Variants in SMTN observed in about 807,000 individuals in gnomAD.
SMTN encodes smoothelin.
Under a neutral mutation model 102.0 loss-of-function variants are expected in SMTN, and 58 were observed. The ratio of observed to expected loss-of-function variants is 0.57; its 90% CI spans 0.46 to 0.71. The LOEUF (loss-of-function observed/expected upper bound fraction) is 0.71, where lower values mean the gene tolerates loss of function less well. SMTN is among the 30% of genes least tolerant of loss of function. SMTN has a pLI of 0.00. For synonymous variants in SMTN, 478 were observed against 497.9 expected (o/e 0.96, Z 0.53); for missense variants, 1,185 against 1,241.7 (o/e 0.95, Z 0.69).
chr22:31,085,219 T>G (rs1428928987), intron 2 of SMTN: 32 of 1,534,624 alleles, frequency 2.1e-5, no homozygotes. Context: ...TCCCTTTAGA[T>G]CCGGACACTG....
chr22:31,072,088 C>A (rs1264823795), intron 1 of SMTN, among the ~76,000 whole-genome samples: 3 of 152,166 alleles, frequency 2.0e-5, no homozygotes, highest in Non-Finnish European at 4.4e-5. Flanking sequence ...AATAAATCCC[C>A]TTGGCCAAAT....
intron 1 of SMTN, among the ~76,000 whole-genome samples, chr22:31,071,568 G>A (rs1339317310): frequency 2.0e-5 from 3 of 151,886 alleles, no homozygotes; most frequent in East Asian, 1.9e-4. Flanking sequence ...AGTGAGCTGC[G>A]ATCACGCCAT....
chr22:31,101,244 G>A lies in SMTN; in HGVS notation c.*20+195G>A, dbSNP rs114658148. ...TTCTAAATGGGCAGTGATGACCCAG[G>A]TGGGCAGCACTGTGATGGGGGAAGC... is the stretch of plus-strand genomic sequence containing the variant. On this transcript the variant is annotated intron_variant, in intron 20 of 20. Coordinates refer to ENST00000333137, the MANE Select transcript of SMTN (RefSeq NM_134269.3). 1,360 of 575,742 alleles carry A rather than the reference G, an allele frequency of 2.4e-3. 20 individuals carry two copies. The highest frequency in any genetic ancestry group is 0.024 in the African/African-American group (1,264 of 53,746). The allele number at this position is 575,742 out of a possible 1,614,324, so 35.7% of individuals were successfully genotyped here.
Position 31,090,180 on chromosome 22 carries a change from G to A in SMTN, c.865G>A (p.Asp289Asn). ...TRGPSDTKRA[D>N]VAGPRPCQRS... ...AGGCCCCTCTGACACCAAGAGAGCA[G>A]GTGAGGGTCCCAGCAGGGGTAGTCA... The change falls in exon 8 of 21, where the codon GAC becomes AAC. Residue 289 changes from aspartate (D) to asparagine (N), a missense_variant and splice_region_variant. Around this residue, in one of 2 missense-constraint regions of SMTN, gnomAD observed 1,096 missense variants for 1,112.7 expected, o/e 0.98. Coordinates refer to ENST00000333137, the MANE Select transcript of SMTN (RefSeq NM_134269.3). 1 of 1,609,364 alleles carries A rather than the reference G, an allele frequency of 6.2e-7. No individual in the cohort carries two copies. Among genetic ancestry groups the A allele is most frequent in the Non-Finnish European group, 8.5e-7 (1 of 1,178,038 alleles).
chr22:31,099,047 A>C lies in SMTN; in HGVS notation c.2334-15A>C. The C allele has an allele frequency of 6.2e-7, 1 of 1,607,730 alleles. No individual in the cohort carries two copies. Among genetic ancestry groups the C allele is most frequent in the South Asian group, 1.1e-5 (1 of 91,028 alleles). On this transcript the variant is annotated splice_polypyrimidine_tract_variant and intron_variant, in intron 17 of 20. Coordinates refer to ENST00000333137, the MANE Select transcript of SMTN (RefSeq NM_134269.3). ...CTTATAGTCGTGTGACCTGGTCCTG[A>C]CACCGCCCCTACAGCAGCCCTGGCG...
At chr22:31,074,958 C>T (rs2042094597) in intron 1 of SMTN, among the ~76,000 whole-genome samples, 1 of 152,158 alleles carries the variant, frequency 6.6e-6, no homozygotes, top group Non-Finnish European at 1.5e-5. Flanking sequence ...GGCTTAATAG[C>T]TGTCAGGGAG....
chr22:31,064,401 C>G (rs374775212), intron 1 of SMTN: 2 of 152,172 alleles, frequency 1.3e-5, no homozygotes, highest in South Asian at 4.1e-4. Context: ...TTCTAAATGC[C>G]ACCTCACATT....
intron 1 of SMTN, among the ~76,000 whole-genome samples, chr22:31,069,132 A>C (rs1237994870): frequency 1.3e-5 from 2 of 152,164 alleles, no homozygotes; most frequent in Non-Finnish European, 2.9e-5. Flanking sequence ...AGAAGACCGG[A>C]GGCGGGGTTT....
rs770319920 is a variant in SMTN at position 31,099,822 on chromosome 22, T to A, written c.2529T>A (p.Pro843=). The A allele has an allele frequency of 6.2e-7, 1 of 1,614,112 alleles. No individual in the cohort carries two copies. The highest frequency in any genetic ancestry group is 8.5e-7 in the Non-Finnish European group (1 of 1,179,960). ...GTGCCCTGGTGCACAACTTCTTCCCTGAGGCCTTCGACTATGGGCAGCTTA... is the reference window on the plus strand; with the variant it reads ...GTGCCCTGGTGCACAACTTCTTCCCAGAGGCCTTCGACTATGGGCAGCTTA... ...AFCALVHNFF[P]EAFDYGQLSP... is the part of the protein sequence containing the mutation. Residue 843 remains proline (P), a synonymous_variant, in exon 19 of 21, where the codon CCT becomes CCA. Transcript: ENST00000333137.
chr22:31,088,739 G>C lies in SMTN; in HGVS notation c.335G>C (p.Arg112Pro). 6.2e-7 allele frequency: 1 copy of C among 1,613,452 alleles called. No individual in the cohort carries two copies. Among genetic ancestry groups the C allele is most frequent in the Non-Finnish European group, 8.5e-7 (1 of 1,179,688 alleles). The change falls in exon 5 of 21, where the codon CGA becomes CCA. Residue 112 changes from arginine (R) to proline (P), a missense_variant. Transcript: ENST00000333137. Reference sequence around the variant, plus strand: ...GAGTATGAGGAGCGCAAGCTGATCCGAGCTGCCATCCGCCGTGTACGGGCT... The same window carrying C: ...GAGTATGAGGAGCGCAAGCTGATCCCAGCTGCCATCCGCCGTGTACGGGCT... ...AGEYEERKLI[R>P]AAIRRVRAQE... is the part of the protein sequence containing the mutation.
At chr22:31,086,118 C>A (rs990825273) in intron 2 of SMTN, among the ~76,000 whole-genome samples, 1 of 152,210 alleles carries the variant, frequency 6.6e-6, no homozygotes, top group Non-Finnish European at 1.5e-5. Context: ...GCACCGGGGG[C>A]TGGGGAGTGA....
In SMTN at chr22:31,095,246, A is replaced by G. The variant is rs1252176688; in HGVS notation, c.1633-57A>G. ...ATCTGCTTCCCTATCCATTGGAGAC[A>G]TGATGAGTTTCACCCATACCCCTGC... is the stretch of plus-strand genomic sequence containing the variant. On this transcript the variant is annotated intron_variant, in intron 11 of 20. Transcript: ENST00000333137. This position sits in a 1 kb window ranked among gnomAD's most constrained non-coding sequence, Gnocchi z 4.1. 22 of 1,566,102 alleles carry G rather than the reference A, an allele frequency of 1.4e-5. No individual in the cohort carries two copies. In the Middle Eastern group the frequency reaches 1.4e-3, roughly 98 times the overall value.
chr22:31,074,050 G>A (rs866731182), intron 1 of SMTN, among the ~76,000 whole-genome samples: 1 of 152,190 alleles, frequency 6.6e-6, no homozygotes, highest in South Asian at 2.1e-4. Context: ...CCCAGGCTTC[G>A]AACTGGCAAT....
At chr22:31,101,173 A>T (rs765503911) in intron 20 of SMTN, 124 bp downstream of exon 20, 49 of 900,380 alleles carry the variant, frequency 5.4e-5, no homozygotes, top group Non-Finnish European at 7.4e-5. Flanking sequence ...GAGGAGCCAG[A>T]CATAGCCCTG....
At chr22:31,100,772 G>A (rs2044018824) in intron 19 of SMTN, 113 bp from the exon 20 acceptor site, 1 of 633,846 alleles carries the variant, frequency 1.6e-6, no homozygotes, top group African/African-American at 1.8e-5. Context: ...GTATGTGTGT[G>A]TGTCTCTGTT....
At chr22:31,084,343 C>A (rs1284906489) in intron 2 of SMTN, among the ~76,000 whole-genome samples, 2 of 152,254 alleles carry the variant, frequency 1.3e-5, no homozygotes, top group Admixed American at 6.5e-5. Context: ...CCTTCCCCCG[C>A]AGGCAGAGGC....
Position 31,089,743 on chromosome 22 carries a change from G to C in SMTN, c.516G>C (p.Lys172Asn). The C allele has an allele frequency of 6.2e-7, 1 of 1,608,876 alleles. No individual in the cohort carries two copies. Among genetic ancestry groups the C allele is most frequent in the Non-Finnish European group, 8.5e-7 (1 of 1,179,704 alleles). ...AGGAACAGCAGGCAGAGGTTTCAAA[G>C]CCAACCCCCACCCCTGAAGGCACCA... is the stretch of plus-strand genomic sequence containing the variant. ...EEQEQQAEVS[K>N]PTPTPEGTSQ... is the part of the protein sequence containing the mutation. The change falls in exon 7 of 21, where the codon AAG (lysine) becomes AAC (asparagine). Residue 172 changes from lysine (K) to asparagine (N), a missense_variant. Physicochemically the swap from Lys to Asn is moderately conservative, Grantham distance 94 (BLOSUM62 0). This residue lies in a region of SMTN where 1,096 missense variants were observed against 1,112.7 expected (regional missense o/e 0.98). Transcript: ENST00000333137.
At chr22:31,093,399 C>A (rs1309585920) in intron 11 of SMTN, 2 of 426,656 alleles carry the variant, frequency 4.7e-6, no homozygotes, top group Admixed American at 7.1e-5. Context: ...GAGACAGCAG[C>A]CCCTGCCACT....
intron 2 of SMTN, chr22:31,084,886 G>A: frequency 2.6e-6 from 3 of 1,155,908 alleles, no homozygotes; most frequent in African/African-American, 1.6e-5. Context: ...GCGCCGGCCC[G>A]GCCCCCGCTG....
Sources: gnomAD v4.1 joint callset for allele counts (sites outside exome capture counted in the v4.1 genomes callset) on GRCh38, gnomAD v4.1.1 for gene constraint, gnomAD v4.1.1 regional missense constraint, Gnocchi (gnomAD v3.1) non-coding constraint, MANE v1.5 for transcripts, NCBI Gene and HGNC (gene_info 2026-07-23, HGNC 2026-07-21) for gene names.